The following GALNT13 variants were observed in gnomAD, a reference collection of about 807,000 sequenced individuals.
GALNT13 encodes polypeptide N-acetylgalactosaminyltransferase 13, also known as UDP-GalNAc:polypeptide N-acetylgalactosaminyltransferase 13.
A neutral mutation model predicts 64.2 loss-of-function variants in GALNT13; 28 were observed. The observed-to-expected ratio is 0.44, with a 90% CI of 0.32 to 0.60. The LOEUF is 0.60. GALNT13 is among the 20% of genes least tolerant of loss of function. GALNT13 has a pLI of 0.05. For synonymous variants in GALNT13, 214 were observed against 224.6 expected, an observed-to-expected ratio of 0.95 and a Z score of 0.42; for missense variants, 577 against 669.8, an observed-to-expected ratio of 0.86 and a Z score of 1.53.
At chr2:154,244,850 G>A (rs915575295) in intron 6 of GALNT13, among the ~76,000 whole-genome samples, 14 of 152,034 alleles carry the variant, frequency 9.2e-5, no homozygotes, top group African/African-American at 2.4e-4. Flanking sequence ...GGCCAGGTGC[G>A]GTGGCTCACA....
At chr2:153,118,939 G>A in the GALNT13 span, among the ~76,000 whole-genome samples, 2 of 152,106 alleles carry the variant, frequency 1.3e-5, no homozygotes, top group South Asian at 2.1e-4. Flanking sequence ...GGAGGAACCT[G>A]GTGGGAGGCA....
intron 12 of GALNT13, among the ~76,000 whole-genome samples, chr2:154,445,254 AT>A (rs1044153894): frequency 1.3e-5 from 2 of 151,780 alleles, no homozygotes; most frequent in Admixed American, 1.3e-4. Context: ...TGTTACAGTC[AT>A]TTTTTTAATG....
the GALNT13 span, among the ~76,000 whole-genome samples, chr2:153,265,856 A>G: frequency 9.9e-5 from 15 of 152,244 alleles, no homozygotes; most frequent in Admixed American, 9.8e-4. Flanking sequence ...AGAATATTAC[A>G]TAAACTTAGT....
At chr2:153,823,557 G>A in the GALNT13 span, among the ~76,000 whole-genome samples, 2 of 152,050 alleles carry the variant, frequency 1.3e-5, no homozygotes, top group African/African-American at 2.4e-5. Flanking sequence ...GGGATAACTG[G>A]CTAGCCATAT....
the GALNT13 span, among the ~76,000 whole-genome samples, chr2:153,634,735 G>C: frequency 3.3e-5 from 5 of 151,534 alleles, no homozygotes; most frequent in African/African-American, 4.9e-5. Context: ...ATTTTTAGTA[G>C]AGACGGGGTT....
At chr2:153,883,284 T>TGAG (rs1210340507) in intron 1 of GALNT13, among the ~76,000 whole-genome samples, 2 of 151,762 alleles carry the variant, frequency 1.3e-5, no homozygotes, top group African/African-American at 4.8e-5. Flanking sequence ...ATGGAAAATA[T>TGAG]GAGTCACAGT....
At chr2:153,247,482 C>T in the GALNT13 span, among the ~76,000 whole-genome samples, 1 of 152,180 alleles carries the variant, frequency 6.6e-6, no homozygotes, top group Non-Finnish European at 1.5e-5. Flanking sequence ...GGTTAAGAAA[C>T]TCACTCAAAA....
intron 8 of GALNT13, among the ~76,000 whole-genome samples, chr2:154,260,264 A>G (rs1485838895): frequency 6.6e-6 from 1 of 152,176 alleles, no homozygotes; most frequent in Non-Finnish European, 1.5e-5. Context: ...AGATGTATTT[A>G]TCTATGAAGT....
chr2:154,186,448 G>A (rs975991856), intron 4 of GALNT13, among the ~76,000 whole-genome samples: 15 of 152,056 alleles, frequency 9.9e-5, no homozygotes, highest in Admixed American at 9.2e-4. Context: ...TGTTGTTGCT[G>A]CTTACGTTAT....
chr2:153,738,160 C>T, the GALNT13 span, among the ~76,000 whole-genome samples: 1 of 151,780 alleles, frequency 6.6e-6, no homozygotes, highest in East Asian at 1.9e-4. Flanking sequence ...AAACTCCTTG[C>T]TTTTAATACA....
intron 9 of GALNT13, among the ~76,000 whole-genome samples, chr2:154,347,956 C>T (rs1165786790): frequency 6.6e-6 from 1 of 152,168 alleles, no homozygotes; most frequent in Non-Finnish European, 1.5e-5. Context: ...CTTACCTTAT[C>T]AGAAGTGTTT....
intron 4 of GALNT13, among the ~76,000 whole-genome samples, chr2:154,152,890 G>T (rs1028831278): frequency 6.6e-6 from 1 of 152,066 alleles, no homozygotes; most frequent in Non-Finnish European, 1.5e-5. Context: ...CCTCCTGTAG[G>T]TTGGAGTAGT....
chr2:153,438,483 C>G, the GALNT13 span, among the ~76,000 whole-genome samples: 1 of 152,176 alleles, frequency 6.6e-6, no homozygotes, highest in Admixed American at 6.5e-5. Flanking sequence ...TAGATTTGGT[C>G]TTTTCACATA....
chr2:153,357,957 C>T, the GALNT13 span, among the ~76,000 whole-genome samples: 10 of 152,076 alleles, frequency 6.6e-5, no homozygotes, highest in Non-Finnish European at 1.3e-4. Flanking sequence ...CATTTAGGGA[C>T]ATATAGCTAG....
intron 3 of GALNT13, among the ~76,000 whole-genome samples, chr2:154,119,896 T>G (rs1279625298): frequency 6.6e-6 from 1 of 152,224 alleles, no homozygotes; most frequent in Non-Finnish European, 1.5e-5. Context: ...TGAGCATTAT[T>G]GTGACTTCTT....
chr2:154,157,422 A>G (rs1684486649), intron 4 of GALNT13, among the ~76,000 whole-genome samples: 1 of 152,134 alleles, frequency 6.6e-6, no homozygotes, highest in Admixed American at 6.6e-5. Flanking sequence ...TATGTCGCCC[A>G]GGCTGGATTT....
At chr2:153,459,291 A>G in the GALNT13 span, among the ~76,000 whole-genome samples, 15 of 152,144 alleles carry the variant, frequency 9.9e-5, no homozygotes, top group Admixed American at 7.2e-4. Context: ...AGAAAACTGT[A>G]TTAGAAAATA....
At chr2:154,168,519 C>T (rs1685160764) in intron 4 of GALNT13, among the ~76,000 whole-genome samples, 1 of 151,790 alleles carries the variant, frequency 6.6e-6, no homozygotes, top group African/African-American at 2.4e-5. Flanking sequence ...CAAAGGAAAA[C>T]TTGAGACTAG....
chr2:154,454,379 G>A (rs1187021232), downstream of GALNT13, among the ~76,000 whole-genome samples: 2 of 151,946 alleles, frequency 1.3e-5, no homozygotes, highest in African/African-American at 4.8e-5. Context: ...AACATGTTAT[G>A]GGGCCAGGCA....
Sources: allele counts gnomAD v4.1 joint callset (sites outside exome capture counted in the v4.1 genomes callset), GRCh38; gene constraint gnomAD v4.1.1; transcripts MANE v1.5; gene names NCBI Gene and HGNC (gene_info 2026-07-23, HGNC 2026-07-21).